The following LY6L variants were observed in gnomAD, a reference collection of about 807,000 sequenced individuals.
LY6L encodes the protein lymphocyte antigen 6L.
LY6L carries 8 observed loss-of-function variants against 8.3 expected under a neutral mutation model. The observed-to-expected ratio is 0.97, with a 90% CI of 0.57 to 1.74. The LOEUF (loss-of-function observed/expected upper bound fraction) is 1.74. Among genes scored for constraint, LY6L ranks in the 40% most tolerant of loss-of-function variants. LY6L has a pLI of 0.00. For synonymous variants in LY6L, 79 were observed against 77.9 expected, an observed-to-expected ratio of 1.01 and a Z score of -0.07; for missense variants, 156 against 183.8, an observed-to-expected ratio of 0.85 and a Z score of 0.87.
At position 143,083,284 on chromosome 8, in the gene LY6L, C is replaced by A. The variant is rs937840027; in HGVS notation, c.*633C>A. On this transcript the variant is annotated 3_prime_UTR_variant, in exon 4 of 4. Transcript: ENST00000562505. ...GGGCGATGGCCCCTTGCATGAGGCC[C>A]CTTGCCCTGAATGCTGTCCAGGACC... Among the ~76,000 whole-genome samples, 6 of 152,148 alleles carry A rather than the reference C, an allele frequency of 3.9e-5. No individual in the cohort carries two copies. Among genetic ancestry groups the A allele is most frequent in the Admixed American group, 2.6e-4 (4 of 15,284 alleles).
rs780883005 is a variant in LY6L at position 143,083,290 on chromosome 8, C to A, written c.*639C>A. 2.6e-5 allele frequency among the ~76,000 whole-genome samples: 4 copies of A among 152,166 alleles called. No individual in the cohort carries two copies. Among genetic ancestry groups the A allele is most frequent in the Non-Finnish European group, 2.9e-5 (2 of 68,024 alleles). ...TGGCCCCTTGCATGAGGCCCCTTGCCCTGAATGCTGTCCAGGACCCTTCGA... is the reference window on the plus strand; with the variant it reads ...TGGCCCCTTGCATGAGGCCCCTTGCACTGAATGCTGTCCAGGACCCTTCGA... On this transcript the variant is annotated 3_prime_UTR_variant, in exon 4 of 4. Transcript: ENST00000562505.
chr8:143,083,453 A>T lies in LY6L; in HGVS notation c.*802A>T, dbSNP rs906134010. 1.3e-5 allele frequency among the ~76,000 whole-genome samples: 2 copies of T among 152,030 alleles called. No individual in the cohort carries two copies. Among genetic ancestry groups the T allele is most frequent in the Non-Finnish European group, 2.9e-5 (2 of 67,984 alleles). On this transcript the variant is annotated 3_prime_UTR_variant, in exon 4 of 4. Coordinates refer to ENST00000562505, the MANE Select transcript of LY6L (RefSeq NM_001368160.2). ...CCTGTGCATTGGGACCACGACCTTCACCCTCTTGGAGACAATAAACTCTCA... is the reference window on the plus strand; with the variant it reads ...CCTGTGCATTGGGACCACGACCTTCTCCCTCTTGGAGACAATAAACTCTCA...
rs575795611 is a variant in LY6L at position 143,082,049 on chromosome 8, T to C, written c.191-376T>C. On this transcript the variant is annotated intron_variant, in intron 3 of 3. Transcript: ENST00000562505. Reference sequence around the variant, plus strand: ...GGCACCCAGCCCAGCAGGTTCTCCGTGATGGGCAGCCCCTTTCCACTGCTC... The same window carrying C: ...GGCACCCAGCCCAGCAGGTTCTCCGCGATGGGCAGCCCCTTTCCACTGCTC... Among the ~76,000 whole-genome samples, 3 of 152,306 alleles carry C rather than the reference T, an allele frequency of 2.0e-5. No individual in the cohort carries two copies. In the South Asian group the frequency reaches 6.2e-4, roughly 32 times the overall value.
chr8:143,080,928 G>C (rs1820416366), intron 1 of LY6L, 108 bp from the exon 2 acceptor site: 2 of 772,948 alleles, frequency 2.6e-6, no homozygotes, highest in Non-Finnish European at 4.1e-6. Flanking sequence ...CAGGAGGCTA[G>C]TGTGGGATGG....
At chr8:143,082,346 C>T (rs1820445247) in intron 3 of LY6L, 79 bp from the exon 4 acceptor site, 3 of 1,049,138 alleles carry the variant, frequency 2.9e-6, no homozygotes, top group Admixed American at 2.2e-5. Flanking sequence ...CTTTGGAAAG[C>T]ATCCTTGCAC....
At position 143,082,745 on chromosome 8, in the gene LY6L, G is replaced by T. The variant is rs796132400; in HGVS notation, c.*94G>T. 1.3e-5 allele frequency: 14 copies of T among 1,037,850 alleles called. No homozygotes were observed. Among genetic ancestry groups the T allele is most frequent in the South Asian group, 3.8e-5 (2 of 53,230 alleles). The allele number at this position is 1,037,850 out of a possible 1,614,324, so 64.3% of individuals were successfully genotyped here. A position where few individuals can be genotyped will look rare whatever the true frequency, so the allele number is the denominator to read the frequency against. ...TGCCTCCGCCCCTTCCAGGACACTG[G>T]GGGGGGACCCTCCCTCTCTGAGGTG... On this transcript the variant is annotated 3_prime_UTR_variant, in exon 4 of 4. Coordinates refer to ENST00000562505, the MANE Select transcript of LY6L (RefSeq NM_001368160.2).
intron 3 of LY6L, 121 bp from the exon 4 acceptor site, chr8:143,082,304 C>G: frequency 1.5e-6 from 1 of 685,136 alleles, no homozygotes; most frequent in East Asian, 2.8e-5. Flanking sequence ...GGCCAGGTTA[C>G]GTGCTCTAGC....
At position 143,081,284 on chromosome 8, in the gene LY6L, G is replaced by A; in HGVS notation, c.147G>A (p.Pro49=). 1 of 1,533,498 alleles carries A rather than the reference G, an allele frequency of 6.5e-7. No individual in the cohort carries two copies. Among genetic ancestry groups the A allele is most frequent in the Non-Finnish European group, 8.7e-7 (1 of 1,145,388 alleles). 95.0% of individuals were successfully genotyped at this position (1,533,498 alleles called of 1,614,324 possible). A position where few individuals can be genotyped will look rare whatever the true frequency, so the allele number is the denominator to read the frequency against. ...AGTGCCCGCCCACCTGGTGCAGCCC[G>A]CTGGACCAAGTCTGCATCTCCAACG... ...WTECPPTWCS[P]LDQVCISNEV... Residue 49 remains proline (P), a synonymous_variant, in exon 3 of 4, where the codon CCG becomes CCA. Transcript: ENST00000562505.
chr8:143,080,961 C>T (rs1820417619), intron 1 of LY6L, 75 bp from the exon 2 acceptor site: 1 of 1,150,540 alleles, frequency 8.7e-7, no homozygotes, highest in Non-Finnish European at 1.2e-6. Flanking sequence ...GAGTAAAGCC[C>T]CGTCCGGGAG....
Position 143,081,318 on chromosome 8 carries a change from GTC to G in LY6L, c.185_186del (p.Ser62PhefsTer2). 1 of 1,525,384 alleles carries G rather than the reference GTC, an allele frequency of 6.6e-7. No homozygotes were observed. Among genetic ancestry groups the G allele is most frequent in the Non-Finnish European group, 8.8e-7 (1 of 1,139,794 alleles). The allele number at this position is 1,525,384 out of a possible 1,614,324, so 94.5% of individuals were successfully genotyped here. ...DQVCISNEVV[V>X]SFKWSVRVLL... ...AGTCTGCATCTCCAACGAGGTGGTC[GTC>G]TCTTTTAGTGAGTCCCCCCCGGGCA... On this transcript the variant is annotated frameshift_variant, in exon 3 of 4. Transcript: ENST00000562505. LOFTEE classifies it low-confidence loss of function (END_TRUNC).
Position 143,081,120 on chromosome 8 carries a change from A to G in LY6L, c.67A>G (p.Thr23Ala). The part of the protein sequence containing the change: ...LAVASAGCAT[T>A]PARNLSCYQC... ...TGTGGCGTCTGCTGGCTGCGCCACG[A>G]CGCCAGGTAAGGCGCGGCCCGGGCT... The change falls in exon 2 of 4, where the codon ACG becomes GCG. Residue 23 changes from threonine to alanine, a missense_variant. Coordinates refer to ENST00000562505, the MANE Select transcript of LY6L (RefSeq NM_001368160.2). 1 of 1,534,572 alleles carries G rather than the reference A, an allele frequency of 6.5e-7. No individual in the cohort carries two copies. Among genetic ancestry groups the G allele is most frequent in the Middle Eastern group, 1.7e-4 (1 of 5,958 alleles).
intron 3 of LY6L, 38 bp downstream of exon 3, chr8:143,081,365 C>T (rs1204231498): frequency 9.1e-6 from 12 of 1,321,962 alleles, no homozygotes; most frequent in South Asian, 2.9e-5. Context: ...TGCCAGGTGC[C>T]GGGGAAGGGC....
At position 143,081,278 on chromosome 8, in the gene LY6L, C is replaced by G. The variant is rs746808803; in HGVS notation, c.141C>G (p.Cys47Trp). 1.0e-5 allele frequency: 16 copies of G among 1,533,914 alleles called. No individual in the cohort carries two copies. The South Asian group carries it at 1.7e-4, about 16-fold the overall frequency. The change falls in exon 3 of 4, where the codon TGC becomes TGG. Residue 47 changes from cysteine to tryptophan, a missense_variant. Transcript: ENST00000562505. ...SSWTECPPTWCSPLDQVCISN... is the reference protein window; with the variant it reads ...SSWTECPPTWWSPLDQVCISN... The stretch of plus-strand genomic sequence containing the variant: ...GGACGGAGTGCCCGCCCACCTGGTG[C>G]AGCCCGCTGGACCAAGTCTGCATCT...
rs1292438782 is a variant in LY6L at position 143,081,271 on chromosome 8, C to T, written c.134C>T (p.Thr45Ile). The part of the protein sequence containing the change: ...KVSSWTECPP[T>I]WCSPLDQVCI... ...AGCAGCTGGACGGAGTGCCCGCCCA[C>T]CTGGTGCAGCCCGCTGGACCAAGTC... Residue 45 changes from threonine (T) to isoleucine (I), a missense_variant, in exon 3 of 4, where the codon ACC becomes ATC. Physicochemically the swap from Thr to Ile is moderately conservative, Grantham distance 89 (BLOSUM62 -1). Transcript: ENST00000562505. The T allele has an allele frequency of 6.5e-7, 1 of 1,533,970 alleles. No individual in the cohort carries two copies. Among genetic ancestry groups the T allele is most frequent in the East Asian group, 2.4e-5 (1 of 40,860 alleles).
At chr8:143,082,146 C>G (rs143993780) in intron 3 of LY6L, among the ~76,000 whole-genome samples, 2,063 of 152,318 alleles carry the variant, frequency 0.014, 56 homozygotes, top group African/African-American at 0.047. Flanking sequence ...TGCATGGCTT[C>G]GGGAGAAGGC....
At chr8:143,081,014 A>G (rs1245200895) in intron 1 of LY6L, 22 bp from the exon 2 acceptor site, 1 of 1,497,516 alleles carries the variant, frequency 6.7e-7, no homozygotes, top group Non-Finnish European at 9.0e-7. Flanking sequence ...GCCTCCCGCA[A>G]CACCCACCTC....
intron 3 of LY6L, 97 bp from the exon 4 acceptor site, chr8:143,082,328 G>C: frequency 2.3e-6 from 2 of 869,626 alleles, no homozygotes; most frequent in Non-Finnish European, 3.5e-6. Context: ...TTCTGGTCCC[G>C]GCTGCTCCTT....
In LY6L at chr8:143,082,467, G is replaced by A; in HGVS notation, c.233G>A (p.Arg78Lys). 1 of 1,535,494 alleles carries A rather than the reference G, an allele frequency of 6.5e-7. No individual in the cohort carries two copies. The highest frequency in any genetic ancestry group is 8.7e-7 in the Non-Finnish European group (1 of 1,146,704). Reference protein sequence around the residue: ...RVLLSKRCAPRCPNDNMKFEW... With the variant: ...RVLLSKRCAPKCPNDNMKFEW... ...CTGCTCAGCAAACGCTGTGCTCCCA[G>A]ATGTCCCAACGACAACATGAAGTTC... The change falls in exon 4 of 4, where the codon AGA becomes AAA. Residue 78 changes from arginine (R) to lysine (K), a missense_variant. Transcript: ENST00000562505.
At position 143,081,193 on chromosome 8, in the gene LY6L, C is replaced by T. The variant is rs1430645211; in HGVS notation, c.74-18C>T. 3 of 1,527,160 alleles carry T rather than the reference C, an allele frequency of 2.0e-6. No homozygotes were observed. Among genetic ancestry groups the T allele is most frequent in the African/African-American group, 1.4e-5 (1 of 72,838 alleles). 94.6% of individuals were successfully genotyped at this position (1,527,160 alleles called of 1,614,324 possible). ...AGCTGCGGACGCTGGTCCACAGCGC[C>T]CCGCTTGCTGCCCACAGCTCGCAAC... On this transcript the variant is annotated intron_variant, in intron 2 of 3. Coordinates refer to ENST00000562505, the MANE Select transcript of LY6L (RefSeq NM_001368160.2).
Sources: allele counts gnomAD v4.1 joint callset (sites outside exome capture counted in the v4.1 genomes callset), GRCh38; gene constraint gnomAD v4.1.1; transcripts MANE v1.5; gene names NCBI Gene and HGNC (gene_info 2026-07-23, HGNC 2026-07-21).